Variants in DPYSL3 observed in about 807,000 individuals in gnomAD.
DPYSL3 encodes dihydropyrimidinase-related protein 3.
In DPYSL3, 16 loss-of-function variants were observed where a neutral mutation model predicts 66.1. The observed-to-expected ratio is 0.24, with a 90% CI of 0.16 to 0.37. DPYSL3 has a LOEUF of 0.37. DPYSL3 is among the 10% of genes least tolerant of loss of function. The pLI is 1.00. For synonymous variants in DPYSL3, 338 were observed against 345.1 expected (o/e 0.98, Z 0.23); for missense variants, 738 against 916.2 (o/e 0.81, Z 2.51).
In DPYSL3 at chr5:147,485,523, A is replaced by T. The variant is rs182986246; in HGVS notation, c.381+23955T>A. ...TATTACTAAATATTTCAGTCGTTTT[A>T]TGTATTCTTTACTATTAAAATGCAT... On this transcript the variant is annotated intron_variant, in intron 1 of 13. Coordinates refer to ENST00000343218, the MANE Select transcript of DPYSL3 (RefSeq NM_001197294.2). Among the ~76,000 whole-genome samples the T allele has an allele frequency of 7.9e-4, 121 of 152,276 alleles. 1 individual carries two copies. The highest frequency in any genetic ancestry group is 1.3e-3 in the Non-Finnish European group (89 of 68,018).
At chr5:147,444,371 CA>C (rs1752591612) in intron 1 of DPYSL3, among the ~76,000 whole-genome samples, 1 of 152,064 alleles carries the variant, frequency 6.6e-6, no homozygotes, top group South Asian at 2.1e-4. Context: ...GAATAAAAAG[CA>C]CTTTACACAG....
chr5:147,486,064 C>G (rs1753324557), intron 1 of DPYSL3, among the ~76,000 whole-genome samples: 1 of 152,082 alleles, frequency 6.6e-6, no homozygotes, highest in South Asian at 2.1e-4. Context: ...ATGGATGCAC[C>G]TTGAAAACTA....
Position 147,401,629 on chromosome 5 carries a change from C to A in DPYSL3, c.1221G>T (p.Lys407Asn), listed in dbSNP as rs1280493973. ...CAAATGCAGCCGCCTTGGCCCAGTTCTTGCTCCAATAATGGGTTCCATCTA... is the reference window on the plus strand; with the variant it reads ...CAAATGCAGCCGCCTTGGCCCAGTTATTGCTCCAATAATGGGTTCCATCTA... ...LGIDGTHYWS[K>N]NWAKAAAFVT... Residue 407 changes from lysine to asparagine, a missense_variant, in exon 9 of 14, where the codon AAG (lysine) becomes AAT (asparagine). Coordinates refer to ENST00000343218, the MANE Select transcript of DPYSL3 (RefSeq NM_001197294.2). 1 of 1,614,158 alleles carries A rather than the reference C, an allele frequency of 6.2e-7. No homozygotes were observed. Among genetic ancestry groups the A allele is most frequent in the African/African-American group, 1.3e-5 (1 of 75,068 alleles).
intron 8 of DPYSL3, 88 bp from the exon 9 acceptor site, chr5:147,401,784 C>A (rs1399099651): frequency 2.0e-6 from 3 of 1,508,390 alleles, no homozygotes; most frequent in Non-Finnish European, 2.7e-6. Context: ...CTAAGCCTAC[C>A]CAGGACTGTG....
At chr5:147,464,760 G>A (rs1752987204) in intron 1 of DPYSL3, among the ~76,000 whole-genome samples, 3 of 152,264 alleles carry the variant, frequency 2.0e-5, no homozygotes, top group African/African-American at 7.2e-5. Flanking sequence ...CTAGCTGAGA[G>A]TGAGGAGCAT....
intron 1 of DPYSL3, among the ~76,000 whole-genome samples, chr5:147,458,146 A>G (rs1361955229): frequency 6.6e-6 from 1 of 152,188 alleles, no homozygotes; most frequent in Non-Finnish European, 1.5e-5. Context: ...CCTGAGACCT[A>G]CTGGGCTGCA....
intron 1 of DPYSL3, among the ~76,000 whole-genome samples, chr5:147,444,744 C>G (rs541489321): frequency 6.6e-6 from 1 of 151,424 alleles, no homozygotes; most frequent in Admixed American, 6.6e-5. Flanking sequence ...AGAATAAAAA[C>G]GAGTAATAAG....
chr5:147,465,554 C>A (rs1289811673), intron 1 of DPYSL3, among the ~76,000 whole-genome samples: 3 of 152,170 alleles, frequency 2.0e-5, no homozygotes, highest in Admixed American at 1.3e-4. Context: ...CCCGCCTTGG[C>A]CTCCCAAAGT....
intron 1 of DPYSL3, among the ~76,000 whole-genome samples, chr5:147,480,054 A>G (rs1213456889): frequency 6.6e-6 from 1 of 152,132 alleles, no homozygotes; most frequent in Non-Finnish European, 1.5e-5. Context: ...CTACTTGGCT[A>G]CTACTCTGCA....
At chr5:147,412,554 G>A in intron 6 of DPYSL3, 54 bp downstream of exon 6, 1 of 1,538,072 alleles carries the variant, frequency 6.5e-7, no homozygotes, top group Admixed American at 1.8e-5. Flanking sequence ...AAGAAATGAA[G>A]AAGAAAATGG....
chr5:147,503,984 A>G (rs1052543869), intron 1 of DPYSL3, among the ~76,000 whole-genome samples: 2 of 152,222 alleles, frequency 1.3e-5, no homozygotes, highest in Non-Finnish European at 2.9e-5. Flanking sequence ...TTAATGTTAC[A>G]TACTCCTAGA....
rs955135069 is a variant in DPYSL3 at position 147,509,071 on chromosome 5, G to A, written c.381+407C>T. Among the ~76,000 whole-genome samples, 3 of 152,134 alleles carry A rather than the reference G, an allele frequency of 2.0e-5. No individual in the cohort carries two copies. Among genetic ancestry groups the A allele is most frequent in the African/African-American group, 7.2e-5 (3 of 41,422 alleles). ...GCATCACTTTGCCCTCTGCCGTGGT[G>A]ACCCGGGTTGAGATTTAATCTAGGG... On this transcript the variant is annotated intron_variant, in intron 1 of 13. Coordinates refer to ENST00000343218, the MANE Select transcript of DPYSL3 (RefSeq NM_001197294.2). This position sits in a 1 kb window ranked among gnomAD's most constrained non-coding sequence, Gnocchi z 5.3.
At chr5:147,394,188 C>T in intron 13 of DPYSL3, 65 bp from the exon 14 acceptor site, 1 of 1,533,426 alleles carries the variant, frequency 6.5e-7, no homozygotes. Flanking sequence ...GGGATGTGGG[C>T]AAGAGAGAAA....
In DPYSL3 at chr5:147,509,176, A is replaced by G. The variant is rs1413931939; in HGVS notation, c.381+302T>C. Among the ~76,000 whole-genome samples the G allele has an allele frequency of 3.9e-5, 6 of 152,048 alleles. No individual in the cohort carries two copies. Among genetic ancestry groups the G allele is most frequent in the Admixed American group, 3.9e-4 (6 of 15,282 alleles). Reference sequence around the variant, plus strand: ...TCACTAAGCCTTCCCGGGCTGACACACCCACCCAGACCGGATGGCCCAGGA... The same window carrying G: ...TCACTAAGCCTTCCCGGGCTGACACGCCCACCCAGACCGGATGGCCCAGGA... On this transcript the variant is annotated intron_variant, in intron 1 of 13. Transcript: ENST00000343218. This position sits in a 1 kb window ranked among gnomAD's most constrained non-coding sequence, Gnocchi z 5.3.
chr5:147,401,869 A>C, intron 8 of DPYSL3, 173 bp from the exon 9 acceptor site: 1 of 651,134 alleles, frequency 1.5e-6, no homozygotes, highest in Non-Finnish European at 2.4e-6. Flanking sequence ...TATCTGCTAA[A>C]TGTGACCAAG....
In DPYSL3 at chr5:147,425,642, T is replaced by C. The variant is rs555486634; in HGVS notation, c.382-679A>G. 1.2e-4 allele frequency among the ~76,000 whole-genome samples: 18 copies of C among 152,356 alleles called. No individual in the cohort carries two copies. In the East Asian group the frequency reaches 2.5e-3, roughly 21 times the overall value. ...CACATTTTCTGAGTGCATTTCTTTA[T>C]TGCTTTAATTATGAGAAAAATAAAG... On this transcript the variant is annotated intron_variant, in intron 1 of 13. Transcript: ENST00000343218.
chr5:147,424,289 T>G (rs981115307), intron 2 of DPYSL3, among the ~76,000 whole-genome samples: 3 of 152,244 alleles, frequency 2.0e-5, no homozygotes, highest in Non-Finnish European at 4.4e-5. Flanking sequence ...CTTTGTTTTT[T>G]GTGATGAAAC....
intron 1 of DPYSL3, among the ~76,000 whole-genome samples, chr5:147,505,020 T>C (rs756428102): frequency 2.0e-4 from 30 of 152,200 alleles, no homozygotes; most frequent in Non-Finnish European, 8.8e-5. Flanking sequence ...TCACTTAGAA[T>C]TGCTTTTCTA....
At chr5:147,481,074 T>C (rs565474790) in intron 1 of DPYSL3, among the ~76,000 whole-genome samples, 42 of 152,296 alleles carry the variant, frequency 2.8e-4, no homozygotes, top group African/African-American at 9.6e-4. Context: ...CTTTAAAGTT[T>C]ACAAAAAATT....
Sources: gnomAD v4.1 joint callset for allele counts (sites outside exome capture counted in the v4.1 genomes callset) on GRCh38, gnomAD v4.1.1 for gene constraint, Gnocchi (gnomAD v3.1) non-coding constraint, MANE v1.5 for transcripts, NCBI Gene and HGNC (gene_info 2026-07-23, HGNC 2026-07-21) for gene names.